The following CTNND2 variants were observed in gnomAD, a reference collection of about 807,000 sequenced individuals.
CTNND2 encodes catenin delta 2, also known as catenin delta-2.
CTNND2 carries 22 observed loss-of-function variants against 144.4 expected under a neutral mutation model. The observed-to-expected ratio is 0.15, with a 90% CI of 0.11 to 0.22. The LOEUF (loss-of-function observed/expected upper bound fraction) is 0.22, where lower values mean the gene tolerates loss of function less well. Ranked by LOEUF, CTNND2 falls within the 10% of genes least tolerant of loss-of-function variation. CTNND2 has a pLI of 1.00. For missense variants in CTNND2, 1,353 were observed against 1,618.8 expected, an observed-to-expected ratio of 0.84 and a Z score of 2.82; for synonymous variants, 751 against 695.6, an observed-to-expected ratio of 1.08 and a Z score of -1.25.
intron 1 of CTNND2, among the ~76,000 whole-genome samples, chr5:11,840,635 C>G (rs982542028): frequency 6.6e-6 from 1 of 152,090 alleles, no homozygotes; most frequent in Non-Finnish European, 1.5e-5. Flanking sequence ...TCACTTCATG[C>G]TATTTAAGAA....
At chr5:11,227,577 TAGAA>T (rs1214968569) in intron 10 of CTNND2, among the ~76,000 whole-genome samples, 1 of 152,064 alleles carries the variant, frequency 6.6e-6, no homozygotes, top group Admixed American at 6.6e-5. Context: ...CTATATGAGG[TAGAA>T]AGAACTAAGA....
chr5:11,191,113 A>G (rs1736196948), intron 11 of CTNND2, among the ~76,000 whole-genome samples: 1 of 152,184 alleles, frequency 6.6e-6, no homozygotes, highest in Non-Finnish European at 1.5e-5. Context: ...CTAGAGCAGG[A>G]GCAAGCAGAG....
intron 3 of CTNND2, among the ~76,000 whole-genome samples, chr5:11,481,198 C>T (rs1405528512): frequency 1.3e-5 from 2 of 151,986 alleles, no homozygotes; most frequent in Admixed American, 6.5e-5. Context: ...CACATGGATG[C>T]CTGTCTTTAT....
At chr5:11,778,196 A>G (rs73047182) in intron 1 of CTNND2, among the ~76,000 whole-genome samples, 1,680 of 152,198 alleles carry the variant, frequency 0.011, 26 homozygotes, top group African/African-American at 0.038. Context: ...TGCAGTCACC[A>G]GCTTCTCACT....
At chr5:11,191,404 G>A (rs1281960016) in intron 11 of CTNND2, among the ~76,000 whole-genome samples, 2 of 152,192 alleles carry the variant, frequency 1.3e-5, no homozygotes, top group Non-Finnish European at 2.9e-5. Context: ...TCCCATAGAG[G>A]AAATCCAAAA....
intron 9 of CTNND2, among the ~76,000 whole-genome samples, chr5:11,291,417 T>C (rs1038532118): frequency 3.9e-5 from 6 of 152,194 alleles, no homozygotes; most frequent in Non-Finnish European, 8.8e-5. Flanking sequence ...TTGATCCTGT[T>C]CCTTCAGTTC....
chr5:11,520,013 G>A lies in CTNND2; in HGVS notation c.287+44931C>T, dbSNP rs184600497. On this transcript the variant is annotated intron_variant, in intron 3 of 21. Coordinates refer to ENST00000304623, the MANE Select transcript of CTNND2 (RefSeq NM_001332.4). ...AAAAAAAAAAACAGCTGGGCGTGGT[G>A]GTGGGTGCCTGTAATCCTAGCTACT... Among the ~76,000 whole-genome samples the A allele has an allele frequency of 4.2e-4, 64 of 151,516 alleles. No individual in the cohort carries two copies. The East Asian group carries it at 0.012, about 28-fold the overall frequency.
intron 2 of CTNND2, among the ~76,000 whole-genome samples, chr5:11,593,420 A>G (rs1414428640): frequency 6.6e-6 from 1 of 152,180 alleles, no homozygotes; most frequent in African/African-American, 2.4e-5. Flanking sequence ...GAAAACAACC[A>G]CATGACCCAT....
chr5:11,851,273 G>T (rs938257138), intron 1 of CTNND2, among the ~76,000 whole-genome samples: 5 of 152,094 alleles, frequency 3.3e-5, no homozygotes, highest in African/African-American at 1.2e-4. Flanking sequence ...GCGTGTGTGT[G>T]CGTATGTGGG....
In CTNND2 at chr5:11,829,834, C is replaced by T. The variant is rs112781972; in HGVS notation, c.37+73983G>A. On this transcript the variant is annotated intron_variant, in intron 1 of 21. Transcript: ENST00000304623. ...CACTGATGGTTTGCACCACACACCT[C>T]GAAAAGCCACAGACACTCAAAGTAA... Among the ~76,000 whole-genome samples, 481 of 152,264 alleles carry T rather than the reference C, an allele frequency of 3.2e-3. 4 individuals carry two copies. The highest frequency in any genetic ancestry group is 0.011 in the African/African-American group (444 of 41,546).
At position 11,384,012 on chromosome 5, in the gene CTNND2, C is replaced by G. The variant is rs1758790954; in HGVS notation, c.1177+653G>C. Among the ~76,000 whole-genome samples, 1 of 152,108 alleles carries G rather than the reference C, an allele frequency of 6.6e-6. No homozygotes were observed. The highest frequency in any genetic ancestry group is 2.4e-5 in the African/African-American group (1 of 41,410). On this transcript the variant is annotated intron_variant, in intron 7 of 21. Coordinates refer to ENST00000304623, the MANE Select transcript of CTNND2 (RefSeq NM_001332.4). This position sits in a 1 kb window ranked among gnomAD's most constrained non-coding sequence, Gnocchi z 5.2. ...CTCCCTCCCTGTAATAAAGCAGGTA[C>G]AAATTTAAGGGACTTCATCATTGCT...
rs1219093645 is a variant in CTNND2 at position 11,470,980 on chromosome 5, A to ATATATATATAT, written c.288-58912_288-58911insATATATATATA. On this transcript the variant is annotated intron_variant, in intron 3 of 21. Coordinates refer to ENST00000304623, the MANE Select transcript of CTNND2 (RefSeq NM_001332.4). ...TATATATATATATATATATATATAT[A>ATATATATATAT]TTTTTTTTTTTTTTTTAGATGGAGT... is the stretch of plus-strand genomic sequence containing the variant. Among the ~76,000 whole-genome samples, 87 of 91,512 alleles carry ATATATATATAT rather than the reference A, an allele frequency of 9.5e-4. 1 individual carries two copies. Among genetic ancestry groups the ATATATATATAT allele is most frequent in the African/African-American group, 3.2e-3 (55 of 17,382 alleles). The allele number at this position is 91,512 out of a possible 152,430, so 60.0% of individuals were successfully genotyped here. A position where few individuals can be genotyped will look rare whatever the true frequency, so the allele number is the denominator to read the frequency against.
At chr5:11,373,703 T>G (rs761541895) in intron 7 of CTNND2, among the ~76,000 whole-genome samples, 9 of 152,118 alleles carry the variant, frequency 5.9e-5, no homozygotes, top group Non-Finnish European at 1.2e-4. Context: ...ACTAATAGAT[T>G]TGGGGCTAGA....
chr5:11,010,200 A>T (rs187821076), intron 18 of CTNND2, among the ~76,000 whole-genome samples: 12 of 152,330 alleles, frequency 7.9e-5, no homozygotes, highest in Non-Finnish European at 1.5e-4. Context: ...AGATTAATAA[A>T]TTCCCATTAA....
intron 11 of CTNND2, among the ~76,000 whole-genome samples, chr5:11,165,619 T>C (rs1759245340): frequency 6.6e-6 from 1 of 152,232 alleles, no homozygotes; most frequent in African/African-American, 2.4e-5. Flanking sequence ...TGTAAAATTA[T>C]TGCTGTTCCA....
chr5:11,026,246 CAGA>C (rs1279002741), intron 16 of CTNND2, among the ~76,000 whole-genome samples: 6 of 151,752 alleles, frequency 4.0e-5, no homozygotes, highest in Non-Finnish European at 8.8e-5. Flanking sequence ...TGGCATGGGG[CAGA>C]AGAAGTGCCT....
At chr5:11,812,565 G>A (rs1303510063) in intron 1 of CTNND2, among the ~76,000 whole-genome samples, 2 of 152,096 alleles carry the variant, frequency 1.3e-5, no homozygotes, top group Non-Finnish European at 2.9e-5. Flanking sequence ...GGCAGTGATG[G>A]GGAGGTACGC....
At chr5:11,651,587 T>C (rs763469822) in intron 2 of CTNND2, among the ~76,000 whole-genome samples, 8 of 152,192 alleles carry the variant, frequency 5.3e-5, no homozygotes, top group Non-Finnish European at 1.0e-4. Context: ...GCCATAGGCA[T>C]GTGGCCCATG....
chr5:11,259,599 C>T (rs26450), intron 9 of CTNND2, among the ~76,000 whole-genome samples: 24,136 of 152,114 alleles, frequency 0.16, 2,117 homozygotes, highest in African/African-American at 0.22. Context: ...TTAGACACTA[C>T]GGGTTGGGGT....
Sources: gnomAD v4.1 joint callset for allele counts (sites outside exome capture counted in the v4.1 genomes callset) on GRCh38, gnomAD v4.1.1 for gene constraint, Gnocchi (gnomAD v3.1) non-coding constraint, MANE v1.5 for transcripts, NCBI Gene and HGNC (gene_info 2026-07-23, HGNC 2026-07-21) for gene names.